Variants in DPF3 observed in about 807,000 individuals in gnomAD.
DPF3 encodes zinc finger protein DPF3.
In DPF3, 18 loss-of-function variants were observed where a neutral mutation model predicts 56.8. The observed-to-expected ratio is 0.32, with a 90% CI of 0.22 to 0.47. The LOEUF (loss-of-function observed/expected upper bound fraction) is 0.47. Ranked by LOEUF, DPF3 falls within the 20% of genes least tolerant of loss-of-function variation. DPF3 has a pLI of 1.00. For synonymous variants in DPF3, 188 were observed against 180.2 expected (o/e 1.04, Z -0.35); for missense variants, 403 against 488.8 (o/e 0.82, Z 1.65).
chr14:72,683,649 C>T (rs997071792), intron 7 of DPF3, among the ~76,000 whole-genome samples: 3 of 152,150 alleles, frequency 2.0e-5, no homozygotes, highest in South Asian at 2.1e-4. Context: ...CCCAAGCAAC[C>T]GCGCACCTGA....
chr14:72,876,431 G>A (rs193234285), intron 1 of DPF3, among the ~76,000 whole-genome samples: 2 of 152,258 alleles, frequency 1.3e-5, no homozygotes, highest in African/African-American at 4.8e-5. Context: ...TCTTTTGGAC[G>A]ATGAGGAGTA....
chr14:72,793,683 G>A (rs545163429), intron 1 of DPF3, among the ~76,000 whole-genome samples: 1 of 152,316 alleles, frequency 6.6e-6, no homozygotes, highest in East Asian at 1.9e-4. Context: ...AAGCCCCAGG[G>A]GAGAGAGAGA....
intron 1 of DPF3, among the ~76,000 whole-genome samples, chr14:72,783,580 C>A (rs532501112): frequency 6.6e-6 from 1 of 152,330 alleles, no homozygotes; most frequent in East Asian, 1.9e-4. Flanking sequence ...AGGTCAGTGG[C>A]ACAGTCCACA....
intron 1 of DPF3, among the ~76,000 whole-genome samples, chr14:72,823,124 ACAGGGAAG>A: frequency 6.6e-6 from 1 of 152,342 alleles, no homozygotes; most frequent in Non-Finnish European, 1.5e-5. Flanking sequence ...GGTGGTGGTT[ACAGGGAAG>A]GTTTTAAGCT....
intron 1 of DPF3, among the ~76,000 whole-genome samples, chr14:72,844,655 C>T (rs1884678492): frequency 6.6e-6 from 1 of 152,162 alleles, no homozygotes; most frequent in Non-Finnish European, 1.5e-5. Context: ...GTCAAATACA[C>T]AATGTAAAAT....
At chr14:72,792,652 C>T (rs1183330407) in intron 1 of DPF3, among the ~76,000 whole-genome samples, 1 of 152,002 alleles carries the variant, frequency 6.6e-6, no homozygotes, top group Non-Finnish European at 1.5e-5. Context: ...CAAAGTACTC[C>T]AAGGACCCGC....
chr14:72,813,262 G>C (rs1373774349), intron 1 of DPF3, among the ~76,000 whole-genome samples: 1 of 152,142 alleles, frequency 6.6e-6, no homozygotes, highest in Non-Finnish European at 1.5e-5. Flanking sequence ...CTGGTAGCAG[G>C]GAGTACCGTG....
intron 1 of DPF3, among the ~76,000 whole-genome samples, chr14:72,785,401 G>A (rs1892169440): frequency 1.3e-5 from 2 of 152,128 alleles, no homozygotes; most frequent in Non-Finnish European, 2.9e-5. Flanking sequence ...AGAGTCTTAC[G>A]TGATTTGCTA....
At chr14:72,803,341 T>C (rs1265489575) in intron 1 of DPF3, among the ~76,000 whole-genome samples, 1 of 152,206 alleles carries the variant, frequency 6.6e-6, no homozygotes, top group Non-Finnish European at 1.5e-5. Flanking sequence ...AAGCTGCTTA[T>C]GGCTGGAGTC....
intron 8 of DPF3, among the ~76,000 whole-genome samples, chr14:72,664,799 T>C (rs949154671): frequency 6.6e-6 from 1 of 152,246 alleles, no homozygotes; most frequent in African/African-American, 2.4e-5. Flanking sequence ...CAAATAATTA[T>C]GGCACACTGG....
intron 4 of DPF3, among the ~76,000 whole-genome samples, chr14:72,725,584 G>T (rs1252047425): frequency 6.6e-6 from 1 of 152,038 alleles, no homozygotes; most frequent in Non-Finnish European, 1.5e-5. Flanking sequence ...AGCTAGTAAG[G>T]GGAACAAGTA....
chr14:72,737,350 C>A (rs764945397), intron 3 of DPF3, among the ~76,000 whole-genome samples: 6 of 152,104 alleles, frequency 3.9e-5, no homozygotes, highest in Non-Finnish European at 8.8e-5. Flanking sequence ...AAGCCTGCCA[C>A]CCAATGCACT....
chr14:72,843,706 C>A (rs967506571), intron 1 of DPF3, among the ~76,000 whole-genome samples: 1 of 152,204 alleles, frequency 6.6e-6, no homozygotes, highest in Admixed American at 6.5e-5. Flanking sequence ...CCATGCCCAG[C>A]TAATTTTTTA....
At position 72,691,133 on chromosome 14, in the gene DPF3, G is replaced by A. The variant is rs1384322390; in HGVS notation, c.742+1943C>T. On this transcript the variant is annotated intron_variant, in intron 7 of 10. Coordinates refer to ENST00000556509, the MANE Select transcript of DPF3 (RefSeq NM_001280542.3). ...TGGCAAGGAGAGGCGGGCAAGGCTC[G>A]GGGGGCACCTCCTGCTCTGCTGTTC... 2.6e-5 allele frequency among the ~76,000 whole-genome samples: 4 copies of A among 152,108 alleles called. No individual in the cohort carries two copies. The South Asian group carries it at 8.3e-4, about 32-fold the overall frequency.
chr14:72,822,226 A>G (rs899126365), intron 1 of DPF3, among the ~76,000 whole-genome samples: 5 of 151,968 alleles, frequency 3.3e-5, no homozygotes, highest in Admixed American at 1.3e-4. Context: ...AAAAAATACA[A>G]AAAAATTAGC....
intron 1 of DPF3, among the ~76,000 whole-genome samples, chr14:72,856,742 A>AAT (rs1411569350): frequency 6.6e-6 from 1 of 152,258 alleles, no homozygotes; most frequent in Non-Finnish European, 1.5e-5. Context: ...CAGAAGTATG[A>AAT]ATAATGCGTG....
intron 1 of DPF3, among the ~76,000 whole-genome samples, chr14:72,779,834 C>A (rs186481219): frequency 6.6e-6 from 1 of 152,220 alleles, no homozygotes; most frequent in African/African-American, 2.4e-5. Context: ...CTCACTATTG[C>A]GGTGTCCTTG....
At chr14:72,807,578 G>T (rs116774879) in intron 1 of DPF3, among the ~76,000 whole-genome samples, 1 of 152,160 alleles carries the variant, frequency 6.6e-6, no homozygotes, top group Non-Finnish European at 1.5e-5. Context: ...GTTGGCTCAC[G>T]CCTGTAATCC....
intron 9 of DPF3, among the ~76,000 whole-genome samples, chr14:72,623,732 C>A (rs1363483387): frequency 6.6e-6 from 1 of 152,090 alleles, no homozygotes; most frequent in African/African-American, 2.4e-5. Flanking sequence ...ATCTTTAAAA[C>A]AAGCAAAAAA....
Sources: gnomAD v4.1 joint callset for allele counts (sites outside exome capture counted in the v4.1 genomes callset) on GRCh38, gnomAD v4.1.1 for gene constraint, MANE v1.5 for transcripts, NCBI Gene and HGNC (gene_info 2026-07-23, HGNC 2026-07-21) for gene names.